CDH8: variants seen among roughly 807,000 people sequenced by gnomAD.
CDH8 encodes the protein cadherin 8, also known as cadherin-8.
CDH8 carries 17 observed loss-of-function variants against 68.1 expected under a neutral mutation model. The ratio of observed to expected loss-of-function variants is 0.25; its 90% confidence interval spans 0.17 to 0.37. CDH8 has a LOEUF of 0.37. Among genes scored for constraint, CDH8 ranks in the 10% least tolerant of loss-of-function variants. CDH8 has a pLI of 1.00. For synonymous variants in CDH8, 372 were observed against 365.1 expected, an observed-to-expected ratio of 1.02 and a Z score of -0.21; for missense variants, 763 against 999.3, an observed-to-expected ratio of 0.76 and a Z score of 3.19.
intron 2 of CDH8, among the ~76,000 whole-genome samples, chr16:61,930,076 G>C (rs1567532998): frequency 1.3e-5 from 2 of 152,018 alleles, no homozygotes; most frequent in Non-Finnish European, 1.5e-5. Context: ...AAGGTTGATT[G>C]TTAATCAGTT....
chr16:61,728,889 C>T (rs567941924), intron 8 of CDH8, among the ~76,000 whole-genome samples: 4 of 151,106 alleles, frequency 2.6e-5, no homozygotes, highest in Admixed American at 2.6e-4. Context: ...AACTGAAACT[C>T]AGAAATTTAA....
At chr16:61,880,404 T>A (rs1399624837) in intron 3 of CDH8, among the ~76,000 whole-genome samples, 1 of 152,154 alleles carries the variant, frequency 6.6e-6, no homozygotes, top group Non-Finnish European at 1.5e-5. Flanking sequence ...GATGTTGGCA[T>A]GATTTATTCA....
At chr16:61,687,876 A>G (rs1477833572) in intron 10 of CDH8, among the ~76,000 whole-genome samples, 1 of 152,038 alleles carries the variant, frequency 6.6e-6, no homozygotes, top group East Asian at 1.9e-4. Flanking sequence ...TCTAAGCTTT[A>G]TCTCATTTAT....
At chr16:61,977,001 T>C (rs1483370361) in intron 2 of CDH8, among the ~76,000 whole-genome samples, 1 of 152,106 alleles carries the variant, frequency 6.6e-6, no homozygotes, top group Non-Finnish European at 1.5e-5. Context: ...ATGCAATCAA[T>C]GGGCTCCTGA....
intron 7 of CDH8, among the ~76,000 whole-genome samples, chr16:61,816,681 C>T (rs1040212959): frequency 2.0e-5 from 3 of 151,972 alleles, no homozygotes; most frequent in African/African-American, 7.2e-5. Flanking sequence ...TTTCAGTGTG[C>T]TTTCAGGAGA....
intron 8 of CDH8, among the ~76,000 whole-genome samples, chr16:61,742,736 T>G (rs771808201): frequency 1.3e-5 from 2 of 152,196 alleles, no homozygotes; most frequent in African/African-American, 2.4e-5. Context: ...CTAAGATTTG[T>G]ATATCAGAAG....
At chr16:61,673,394 G>A (rs1039203952) in intron 10 of CDH8, among the ~76,000 whole-genome samples, 1 of 151,992 alleles carries the variant, frequency 6.6e-6, no homozygotes, top group African/African-American at 2.4e-5. Flanking sequence ...CATCATTAAA[G>A]AGCTTACTTC....
At chr16:61,768,377 T>TCTCTCTCC (rs1960678416) in intron 8 of CDH8, among the ~76,000 whole-genome samples, 1 of 105,422 alleles carries the variant, frequency 9.5e-6, no homozygotes, top group African/African-American at 4.3e-5. Context: ...TCCCTTTCTC[T>TCTCTCTCC]CTCTCTCTCT....
chr16:61,904,223 C>T (rs1964027502), intron 2 of CDH8, among the ~76,000 whole-genome samples: 4 of 152,206 alleles, frequency 2.6e-5, no homozygotes, highest in Non-Finnish European at 5.9e-5. Flanking sequence ...AGAGCAACGT[C>T]ACCTGAGGCT....
intron 10 of CDH8, among the ~76,000 whole-genome samples, chr16:61,670,413 A>T (rs893722572): frequency 2.6e-5 from 4 of 152,066 alleles, no homozygotes; most frequent in Non-Finnish European, 5.9e-5. Flanking sequence ...GTAACAAGAG[A>T]TTCAAAATAA....
intron 8 of CDH8, among the ~76,000 whole-genome samples, chr16:61,742,731 A>T (rs1351645264): frequency 6.6e-6 from 1 of 152,124 alleles, no homozygotes; most frequent in Admixed American, 6.6e-5. Context: ...GTTACCTAAG[A>T]TTTGTATATC....
chr16:61,879,636 G>A (rs560474411), intron 3 of CDH8, among the ~76,000 whole-genome samples: 3 of 152,282 alleles, frequency 2.0e-5, no homozygotes, highest in East Asian at 1.9e-4. Flanking sequence ...TCGGCAGGAA[G>A]TTCTTTTGCC....
chr16:61,847,953 G>T (rs1962847865), intron 4 of CDH8, among the ~76,000 whole-genome samples: 1 of 151,456 alleles, frequency 6.6e-6, no homozygotes, highest in African/African-American at 2.4e-5. Flanking sequence ...GTTATTACAA[G>T]TTAACATCCC....
chr16:61,937,749 T>A, intron 2 of CDH8, among the ~76,000 whole-genome samples: 1 of 152,280 alleles, frequency 6.6e-6, no homozygotes, highest in East Asian at 1.9e-4. Flanking sequence ...TAAACTTCAA[T>A]GTCTATGAAG....
chr16:61,872,614 A>G (rs1036404385), intron 3 of CDH8, among the ~76,000 whole-genome samples: 2 of 152,154 alleles, frequency 1.3e-5, no homozygotes, highest in Non-Finnish European at 2.9e-5. Flanking sequence ...GCTTCTCATA[A>G]GACTCAAAGA....
At chr16:61,749,746 A>G (rs1960111483) in intron 8 of CDH8, among the ~76,000 whole-genome samples, 1 of 151,952 alleles carries the variant, frequency 6.6e-6, no homozygotes, top group South Asian at 2.1e-4. Flanking sequence ...TTACCTCTTT[A>G]CTGGTTCACC....
chr16:61,686,095 T>C (rs1272839977), intron 10 of CDH8, among the ~76,000 whole-genome samples: 2 of 152,006 alleles, frequency 1.3e-5, no homozygotes, highest in African/African-American at 4.8e-5. Context: ...AGTTTTTGCT[T>C]ATACGTAACT....
intron 8 of CDH8, among the ~76,000 whole-genome samples, chr16:61,749,984 T>C (rs1280362219): frequency 1.3e-5 from 2 of 152,074 alleles, no homozygotes; most frequent in Non-Finnish European, 2.9e-5. Flanking sequence ...TGCTGAGGTT[T>C]GGGGTATAAA....
At chr16:61,802,141 C>T (rs1284692799) in intron 7 of CDH8, among the ~76,000 whole-genome samples, 1 of 130,254 alleles carries the variant, frequency 7.7e-6, no homozygotes, top group South Asian at 2.6e-4. Flanking sequence ...ACTGCCTCCT[C>T]AAGTGGGTCC....
Sources: gnomAD v4.1 joint callset for allele counts (sites outside exome capture counted in the v4.1 genomes callset) on GRCh38, gnomAD v4.1.1 for gene constraint, MANE v1.5 for transcripts, NCBI Gene and HGNC (gene_info 2026-07-23, HGNC 2026-07-21) for gene names.